RNF141: variants seen among roughly 807,000 people sequenced by gnomAD.
RNF141 encodes the protein C3HC4-like zinc finger protein.
A neutral mutation model predicts 27.4 loss-of-function variants in RNF141; 18 were observed. The ratio of observed to expected loss-of-function variants is 0.66; its 90% CI spans 0.45 to 0.97. The LOEUF (loss-of-function observed/expected upper bound fraction) is 0.97, where lower values mean the gene tolerates loss of function less well. RNF141 is among the 50% of genes least tolerant of loss of function. The pLI is 0.00. For synonymous variants in RNF141, 97 were observed against 96.6 expected (o/e 1.00, Z -0.02); for missense variants, 230 against 279.4 (o/e 0.82, Z 1.26).
chr11:10,524,122 A>G (rs1428368620), intron 4 of RNF141, among the ~76,000 whole-genome samples: 1 of 152,228 alleles, frequency 6.6e-6, no homozygotes, highest in East Asian at 1.9e-4. Flanking sequence ...AGTAAAAAAA[A>G]AGAAACCACT....
chr11:10,540,655 GGTTT>G (rs1850090049), intron 1 of RNF141: 1 of 152,274 alleles, frequency 6.6e-6, no homozygotes, highest in Non-Finnish European at 1.5e-5. Context: ...CCAGGCAAAA[GGTTT>G]CTTATTTGGG....
rs1014524285 is a variant in RNF141 at position 10,512,959 on chromosome 11, C to A, written c.*1957G>T. ...GGTATAGGGTATGTGTGTATGCACACGTGTTTAAAGGTTCTGTAAGATTTT... is the reference window on the plus strand; with the variant it reads ...GGTATAGGGTATGTGTGTATGCACAAGTGTTTAAAGGTTCTGTAAGATTTT... On this transcript the variant is annotated 3_prime_UTR_variant, in exon 6 of 6. Transcript: ENST00000265981. 1 of 152,092 alleles carries A rather than the reference C, an allele frequency of 6.6e-6. No homozygotes were observed. Among genetic ancestry groups the A allele is most frequent in the African/African-American group, 2.4e-5 (1 of 41,402 alleles). The allele number at this position is 152,092 out of a possible 1,614,324, so 9.4% of individuals were successfully genotyped here. A position where few individuals can be genotyped will look rare whatever the true frequency, so the allele number is the denominator to read the frequency against.
At position 10,514,125 on chromosome 11, in the gene RNF141, C is replaced by A. The variant is rs1301239217; in HGVS notation, c.*791G>T. The A allele has an allele frequency of 1.3e-5, 2 of 152,072 alleles. No individual in the cohort carries two copies. Among genetic ancestry groups the A allele is most frequent in the African/African-American group, 4.8e-5 (2 of 41,404 alleles). 9.4% of individuals were successfully genotyped at this position (152,072 alleles called of 1,614,324 possible). A position where few individuals can be genotyped will look rare whatever the true frequency, so the allele number is the denominator to read the frequency against. ...AGTATTTGTGATGCAGAATAATTTC[C>A]TTCTGAAACTCCAAGATGTGTGAGC... On this transcript the variant is annotated 3_prime_UTR_variant, in exon 6 of 6. Transcript: ENST00000265981.
intron 1 of RNF141, among the ~76,000 whole-genome samples, chr11:10,537,318 T>G (rs900693552): frequency 1.3e-5 from 2 of 152,216 alleles, no homozygotes; most frequent in Admixed American, 1.3e-4. Context: ...CCTAACATTT[T>G]ATTCCCAAAA....
chr11:10,533,199 G>A (rs1044681935), intron 2 of RNF141, among the ~76,000 whole-genome samples: 2 of 152,164 alleles, frequency 1.3e-5, no homozygotes, highest in African/African-American at 4.8e-5. Flanking sequence ...GTCACCAAGG[G>A]AGAAAATAAA....
intron 1 of RNF141, among the ~76,000 whole-genome samples, chr11:10,535,357 TA>T (rs60297712): frequency 1.4e-5 from 2 of 145,896 alleles, no homozygotes; most frequent in Non-Finnish European, 1.5e-5. Context: ...AATTGTAATT[TA>T]AAAAAAAAAC....
At chr11:10,524,369 C>T (rs1041550352) in intron 4 of RNF141, among the ~76,000 whole-genome samples, 1 of 151,794 alleles carries the variant, frequency 6.6e-6, no homozygotes, top group South Asian at 2.1e-4. Flanking sequence ...GAGCCGAGAT[C>T]GCGCCTGGGC....
chr11:10,531,909 T>C (rs920146057), intron 2 of RNF141: 9 of 382,706 alleles, frequency 2.4e-5, no homozygotes, highest in Admixed American at 1.4e-4. Flanking sequence ...CTTCGTCCTG[T>C]ATAGGTTTAA....
intron 5 of RNF141, among the ~76,000 whole-genome samples, chr11:10,517,997 A>G (rs1849856183): frequency 6.6e-6 from 1 of 152,180 alleles, no homozygotes; most frequent in South Asian, 2.1e-4. Flanking sequence ...CAACACTGAA[A>G]ACTAAAAAAA....
chr11:10,530,872 A>T, intron 2 of RNF141, 121 bp from the exon 3 acceptor site: 1 of 532,844 alleles, frequency 1.9e-6, no homozygotes. Flanking sequence ...ACACAAAAAG[A>T]CAAATAATAA....
At chr11:10,536,516 T>C (rs1850038590) in intron 1 of RNF141, among the ~76,000 whole-genome samples, 1 of 152,210 alleles carries the variant, frequency 6.6e-6, no homozygotes, top group South Asian at 2.1e-4. Flanking sequence ...TTACATGCTA[T>C]TTAATATGAC....
intron 4 of RNF141, 115 bp downstream of exon 4, chr11:10,525,077 C>T: frequency 1.6e-6 from 1 of 624,118 alleles, no homozygotes; most frequent in Non-Finnish European, 2.3e-6. Flanking sequence ...ACAATACCAA[C>T]TGAGAAAAAA....
chr11:10,520,725 T>G (rs1040547395), intron 4 of RNF141, among the ~76,000 whole-genome samples: 2 of 152,272 alleles, frequency 1.3e-5, no homozygotes, highest in African/African-American at 4.8e-5. Context: ...ACAGTAGGTT[T>G]GTTTACACCA....
chr11:10,533,220 G>A (rs1400550155), intron 2 of RNF141, among the ~76,000 whole-genome samples: 1 of 152,114 alleles, frequency 6.6e-6, no homozygotes. Flanking sequence ...TAGCAAAAAA[G>A]TCATATTTTA....
chr11:10,520,827 T>C (rs1157984503), intron 4 of RNF141, among the ~76,000 whole-genome samples: 5 of 152,224 alleles, frequency 3.3e-5, no homozygotes, highest in Non-Finnish European at 5.9e-5. Context: ...AGCTCCATTA[T>C]AATCTTGAGA....
chr11:10,518,236 T>C (rs1189161083), intron 5 of RNF141: 5 of 152,184 alleles, frequency 3.3e-5, no homozygotes, highest in Non-Finnish European at 7.3e-5. Context: ...AGCCATTCCA[T>C]GTCTAGGTAT....
At chr11:10,520,225 T>C (rs1411105253) in intron 4 of RNF141, among the ~76,000 whole-genome samples, 1 of 150,578 alleles carries the variant, frequency 6.6e-6, no homozygotes, top group Non-Finnish European at 1.5e-5. Flanking sequence ...GATTTTTAAC[T>C]TTATAAACTT....
chr11:10,515,101 C>G, intron 5 of RNF141, 35 bp from the exon 6 acceptor site: 1 of 1,571,522 alleles, frequency 6.4e-7, no homozygotes, highest in Non-Finnish European at 8.6e-7. Context: ...AGTTTGCTTT[C>G]TTCTTTTTTA....
chr11:10,537,907 C>T (rs1850052087), intron 1 of RNF141, among the ~76,000 whole-genome samples: 1 of 152,194 alleles, frequency 6.6e-6, no homozygotes, highest in African/African-American at 2.4e-5. Context: ...TTTCACATGG[C>T]TGTTTTATCT....
Sources: allele counts gnomAD v4.1 joint callset (sites outside exome capture counted in the v4.1 genomes callset), GRCh38; gene constraint gnomAD v4.1.1; transcripts MANE v1.5; gene names NCBI Gene and HGNC (gene_info 2026-07-23, HGNC 2026-07-21).